ZNF45: variants seen among roughly 807,000 people sequenced by gnomAD.
ZNF45 encodes zinc finger protein 45.
A neutral mutation model predicts 12.0 loss-of-function variants in ZNF45; 4 were observed. That is an observed-to-expected ratio of 0.33 (90% CI 0.16 to 0.76). The LOEUF (loss-of-function observed/expected upper bound fraction) is 0.76. Among genes scored for constraint, ZNF45 ranks in the 30% least tolerant of loss-of-function variants. The probability of loss-of-function intolerance (pLI) is 0.60; values close to 1 mark genes in which losing one functional copy is unlikely to be tolerated. For synonymous variants in ZNF45, 272 were observed against 279.6 expected, an observed-to-expected ratio of 0.97 and a Z score of 0.27; for missense variants, 700 against 813.0, an observed-to-expected ratio of 0.86 and a Z score of 1.69.
In ZNF45 at chr19:43,928,039, G is replaced by T. The variant is rs141731449; in HGVS notation, c.-399-2581C>A. On this transcript the variant is annotated intron_variant, in intron 3 of 9. Coordinates refer to ENST00000269973, the MANE Select transcript of ZNF45 (RefSeq NM_003425.4). The stretch of plus-strand genomic sequence containing the variant: ...AAAAAAAAAAATACAAAATTAGCCA[G>T]GCATGATGGCGAATGCCTGTAATCC... Among the ~76,000 whole-genome samples, 13 of 152,138 alleles carry T rather than the reference G, an allele frequency of 8.5e-5. No homozygotes were observed. The East Asian group carries it at 2.5e-3, about 29-fold the overall frequency.
In ZNF45 at chr19:43,914,469, CAT is replaced by C; in HGVS notation, c.965_966del (p.His322ArgfsTer20). ...GGTTTCTCGCCAGTGTGGATTCGCT[CAT>C]GAGCCTGCAGTCGTGAACGCCAACT... ...SFSWRSRLQA[H>X]ERIHTGEKPY... On this transcript the variant is annotated frameshift_variant, in exon 10 of 10. Coordinates refer to ENST00000269973, the MANE Select transcript of ZNF45 (RefSeq NM_003425.4). LOFTEE classifies it low-confidence loss of function (END_TRUNC). 6.2e-7 allele frequency: 1 copy of C among 1,612,716 alleles called. No homozygotes were observed. Among genetic ancestry groups the C allele is most frequent in the Non-Finnish European group, 8.5e-7 (1 of 1,179,234 alleles).
In ZNF45 at chr19:43,914,114, T is replaced by C. The variant is rs1354225488; in HGVS notation, c.1322A>G (p.Glu441Gly). 56 of 1,613,992 alleles carry C rather than the reference T, an allele frequency of 3.5e-5. No individual in the cohort carries two copies. Among genetic ancestry groups the C allele is most frequent in the African/African-American group, 1.7e-4 (13 of 74,880 alleles). Residue 441 changes from glutamate (E) to glycine (G), a missense_variant, in exon 10 of 10, where the codon GAA becomes GGA. By Grantham distance (98) the Glu-to-Gly change is moderately conservative. Transcript: ENST00000269973. The part of the protein sequence containing the change: ...FNIHFRVHTG[E>G]KPYKCEECGK... The stretch of plus-strand genomic sequence containing the variant: ...ACACTCCTCACATTTATAGGGTTTT[T>C]CCCCTGTATGGACTCTAAAATGAAT...
intron 6 of ZNF45, among the ~76,000 whole-genome samples, chr19:43,923,650 C>T (rs1053560123): frequency 3.0e-4 from 45 of 151,936 alleles, no homozygotes; most frequent in African/African-American, 1.0e-3. Flanking sequence ...CCATTTTAAC[C>T]ATTTTTTAAG....
At chr19:43,922,971 G>A (rs1973333994) in intron 6 of ZNF45, among the ~76,000 whole-genome samples, 1 of 151,682 alleles carries the variant, frequency 6.6e-6, no homozygotes. Flanking sequence ...GACCACAGGT[G>A]TGCACCACAA....
intron 7 of ZNF45, among the ~76,000 whole-genome samples, chr19:43,920,231 C>G (rs940733689): frequency 4.6e-5 from 7 of 152,032 alleles, no homozygotes; most frequent in African/African-American, 1.7e-4. Context: ...CTGTTACTGT[C>G]CTTTTATTGA....
At chr19:43,929,564 CTGGTG>C (rs1160226295) in intron 3 of ZNF45, among the ~76,000 whole-genome samples, 2 of 152,162 alleles carry the variant, frequency 1.3e-5, no homozygotes, top group African/African-American at 2.4e-5. Context: ...TTCATGTGGT[CTGGTG>C]TGGTGTGATG....
At chr19:43,923,050 T>G (rs1973341831) in intron 6 of ZNF45, among the ~76,000 whole-genome samples, 1 of 152,074 alleles carries the variant, frequency 6.6e-6, no homozygotes, top group Non-Finnish European at 1.5e-5. Flanking sequence ...AGTCTCAAAC[T>G]CCTGAGCTCA....
intron 9 of ZNF45, among the ~76,000 whole-genome samples, chr19:43,918,066 A>C (rs906907512): frequency 6.6e-6 from 1 of 152,216 alleles, no homozygotes; most frequent in African/African-American, 2.4e-5. Context: ...TAAAATGATA[A>C]GTAATATTCT....
rs1972308344 is a variant in ZNF45 at position 43,912,653 on chromosome 19, ACT to A, written c.*732_*733del. 6.6e-6 allele frequency: 1 copy of A among 152,156 alleles called. No homozygotes were observed. The highest frequency in any genetic ancestry group is 1.5e-5 in the Non-Finnish European group (1 of 68,034). The allele number at this position is 152,156 out of a possible 1,614,324, so 9.4% of individuals were successfully genotyped here. On this transcript the variant is annotated 3_prime_UTR_variant, in exon 10 of 10. Coordinates refer to ENST00000269973, the MANE Select transcript of ZNF45 (RefSeq NM_003425.4). The stretch of plus-strand genomic sequence containing the variant: ...ATTGACTGGAAATGGGCACAAGAAA[ACT>A]TTTTGGTTTAATAGACATATTGTAT...
chr19:43,918,999 C>T, intron 8 of ZNF45, 37 bp from the exon 9 acceptor site: 1 of 1,551,214 alleles, frequency 6.4e-7, no homozygotes, highest in African/African-American at 1.4e-5. Flanking sequence ...ATAATTAATA[C>T]ATCAGAAGCC....
Position 43,924,308 on chromosome 19 carries a change from C to CAGCT in ZNF45, c.-105-2_-104dup, listed in dbSNP as rs1973490476. ...ACACCTAAACTTCTGTGCCTATGCT[C>CAGCT]AGCTATAAGAAGGGAAATGAAAACA... On this transcript the variant is annotated splice_region_variant and 5_prime_UTR_variant, in exon 6 of 10. It introduces an in-frame stop codon into an upstream open reading frame of the 5' UTR. Transcript: ENST00000269973. The CAGCT allele has an allele frequency of 6.6e-6, 1 of 152,158 alleles. No individual in the cohort carries two copies. The highest frequency in any genetic ancestry group is 1.5e-5 in the Non-Finnish European group (1 of 68,042). 9.4% of individuals were successfully genotyped at this position (152,158 alleles called of 1,614,324 possible). A position where few individuals can be genotyped will look rare whatever the true frequency, so the allele number is the denominator to read the frequency against.
In ZNF45 at chr19:43,913,799, T is replaced by C. The variant is rs1972400621; in HGVS notation, c.1637A>G (p.His546Arg). ...TTTCTCTCCAGTGTGGCACCTCTGA[T>C]GGGCTTGAAGCTGTGAACCTACACT... Reference protein sequence around the residue: ...GFSVGSQLQAHQRCHTGEKPY... With the variant: ...GFSVGSQLQARQRCHTGEKPY... The change falls in exon 10 of 10, where the codon CAT (histidine) becomes CGT (arginine). Residue 546 changes from histidine (H) to arginine (R), a missense_variant. By Grantham distance (29) the His-to-Arg change is conservative (BLOSUM62 0). Coordinates refer to ENST00000269973, the MANE Select transcript of ZNF45 (RefSeq NM_003425.4). 2 of 1,613,892 alleles carry C rather than the reference T, an allele frequency of 1.2e-6. No individual in the cohort carries two copies. The highest frequency in any genetic ancestry group is 4.5e-5 in the East Asian group (2 of 44,884).
rs1974368828 is a variant in ZNF45, at chr19:43,934,509, CCTT to C, written c.-573_-571del. On this transcript the variant is annotated 5_prime_UTR_variant, in exon 2 of 10. Coordinates refer to ENST00000269973, the MANE Select transcript of ZNF45 (RefSeq NM_003425.4). ...CTGCTGCCAGAAGCCAGGATGCTCT[CCTT>C]CCTCCTCTCCCGCAGCATTCTTTCA... The C allele has an allele frequency of 7.6e-6, 1 of 132,430 alleles. No homozygotes were observed. Among genetic ancestry groups the C allele is most frequent in the African/African-American group, 2.7e-5 (1 of 36,858 alleles). 8.2% of individuals were successfully genotyped at this position (132,430 alleles called of 1,614,324 possible).
In ZNF45 at chr19:43,935,101, A is replaced by G. The variant is rs1240203716; in HGVS notation, c.-933T>C. 2 of 152,418 alleles carry G rather than the reference A, an allele frequency of 1.3e-5. No homozygotes were observed. The highest frequency in any genetic ancestry group is 2.9e-5 in the Non-Finnish European group (2 of 68,204). 9.4% of individuals were successfully genotyped at this position (152,418 alleles called of 1,614,324 possible). On this transcript the variant is annotated 5_prime_UTR_variant, in exon 1 of 10. Transcript: ENST00000269973. ...GATACAGTAAGGCAATCAGCTGCCC[A>G]GCCATTCAACTCCGCCCTCCGCTGC...
intron 6 of ZNF45, 76 bp from the exon 7 acceptor site, chr19:43,922,293 G>A (rs1973253260): frequency 1.9e-6 from 2 of 1,036,108 alleles, no homozygotes; most frequent in Non-Finnish European, 2.7e-6. Flanking sequence ...AACCATAGCT[G>A]TTTTTTTGTT....
At position 43,914,940 on chromosome 19, in the gene ZNF45, CT is replaced by C. The variant is rs1486175084; in HGVS notation, c.495del (p.Gly166GlufsTer5). 6.2e-7 allele frequency: 1 copy of C among 1,611,884 alleles called. No individual in the cohort carries two copies. Among genetic ancestry groups the C allele is most frequent in the Admixed American group, 1.7e-5 (1 of 59,938 alleles). ...CTGAAACTTTTCACACAATGTTCTC[CT>C]TTGTAGGGTTTTTCACCAGTGTGGA... ...HRVHTGEKPY[K>X]GEHCVKSFSW... is the part of the protein sequence containing the mutation. On this transcript the variant is annotated frameshift_variant, in exon 10 of 10. Coordinates refer to ENST00000269973, the MANE Select transcript of ZNF45 (RefSeq NM_003425.4). LOFTEE classifies it low-confidence loss of function (END_TRUNC).
chr19:43,915,943 G>C (rs1226709736), intron 9 of ZNF45, among the ~76,000 whole-genome samples: 1 of 152,106 alleles, frequency 6.6e-6, no homozygotes, highest in African/African-American at 2.4e-5. Context: ...GGGAGAAGAG[G>C]TTTATGGTAA....
chr19:43,932,868 T>C (rs188444820), intron 2 of ZNF45, among the ~76,000 whole-genome samples, 178 bp from the exon 3 acceptor site: 20 of 152,316 alleles, frequency 1.3e-4, no homozygotes, highest in Admixed American at 1.1e-3. Flanking sequence ...TGTTAATATC[T>C]ATTATGGGCT....
At chr19:43,922,860 C>G (rs1305028351) in intron 6 of ZNF45, among the ~76,000 whole-genome samples, 1 of 115,518 alleles carries the variant, frequency 8.7e-6, no homozygotes, top group Non-Finnish European at 1.6e-5. Flanking sequence ...GGGTCTTGCT[C>G]TGCTGCCCAG....
Sources: gnomAD v4.1 joint callset for allele counts (sites outside exome capture counted in the v4.1 genomes callset) on GRCh38, gnomAD v4.1.1 for gene constraint, MANE v1.5 for transcripts, NCBI Gene and HGNC (gene_info 2026-07-23, HGNC 2026-07-21) for gene names.